Variants in RAB31 observed in about 807,000 individuals in gnomAD.
RAB31 encodes ras-related protein Rab-31.
In RAB31, 21 loss-of-function variants were observed where a neutral mutation model predicts 25.6. The observed-to-expected ratio is 0.82, with a 90% CI of 0.58 to 1.18. RAB31 has a LOEUF of 1.18. RAB31 is among the 50% of genes most tolerant of loss of function. The probability of loss-of-function intolerance (pLI) is 0.00; values close to 1 mark genes in which losing one functional copy is unlikely to be tolerated. For synonymous variants in RAB31, 87 were observed against 84.0 expected (o/e 1.04, Z -0.20); for missense variants, 196 against 250.1 (o/e 0.78, Z 1.46).
chr18:9,860,267 C>T lies in RAB31; in HGVS notation c.*942C>T, dbSNP rs2068840548. On this transcript the variant is annotated 3_prime_UTR_variant, in exon 7 of 7. Coordinates refer to ENST00000578921, the MANE Select transcript of RAB31 (RefSeq NM_006868.4). Reference sequence around the variant, plus strand: ...GTTTGAATCTAAATCATTGGGCAAACTTCTAATAATAACAATTAATAATAG... The same window carrying T: ...GTTTGAATCTAAATCATTGGGCAAATTTCTAATAATAACAATTAATAATAG... The T allele has an allele frequency of 6.6e-6, 1 of 152,156 alleles. No individual in the cohort carries two copies. The highest frequency in any genetic ancestry group is 1.5e-5 in the Non-Finnish European group (1 of 68,026). 9.4% of individuals were successfully genotyped at this position (152,156 alleles called of 1,614,324 possible).
intron 1 of RAB31, among the ~76,000 whole-genome samples, chr18:9,757,346 G>T (rs989453866): frequency 3.3e-5 from 5 of 152,208 alleles, no homozygotes; most frequent in African/African-American, 1.2e-4. Flanking sequence ...GGCAGCCACT[G>T]CTCTGCGTAG....
intron 5 of RAB31, chr18:9,830,706 TG>T (rs749950886): frequency 7.9e-5 from 12 of 152,206 alleles, no homozygotes; most frequent in Non-Finnish European, 1.3e-4. Context: ...TGGTTTATTT[TG>T]GGGGGAAGAG....
At chr18:9,726,800 T>G (rs571719309) in intron 1 of RAB31, among the ~76,000 whole-genome samples, 1 of 152,290 alleles carries the variant, frequency 6.6e-6, no homozygotes, top group Non-Finnish European at 1.5e-5. Context: ...TGCACTAATC[T>G]TCAGTTTAAT....
chr18:9,835,127 A>C (rs1006428433), intron 5 of RAB31, among the ~76,000 whole-genome samples: 5 of 152,150 alleles, frequency 3.3e-5, no homozygotes, highest in Non-Finnish European at 7.4e-5. Context: ...CAAGGGGTCG[A>C]TCCTAGGTCC....
intron 1 of RAB31, among the ~76,000 whole-genome samples, chr18:9,770,833 G>C (rs2068340797): frequency 6.6e-6 from 1 of 150,436 alleles, no homozygotes; most frequent in South Asian, 2.1e-4. Context: ...TAAAGTACTT[G>C]TGAGTTCTAG....
intron 6 of RAB31, among the ~76,000 whole-genome samples, chr18:9,854,288 T>C (rs931246285): frequency 4.6e-5 from 7 of 152,180 alleles, no homozygotes; most frequent in Non-Finnish European, 8.8e-5. Flanking sequence ...CTAATGATTT[T>C]AAAGTAGCTT....
chr18:9,750,047 A>T (rs1260078359), intron 1 of RAB31, among the ~76,000 whole-genome samples: 1 of 152,180 alleles, frequency 6.6e-6, no homozygotes, highest in Non-Finnish European at 1.5e-5. Context: ...CTGTAACCGC[A>T]GCTAACCAAC....
chr18:9,744,061 G>A (rs141789909), intron 1 of RAB31, among the ~76,000 whole-genome samples: 44 of 152,304 alleles, frequency 2.9e-4, no homozygotes, highest in African/African-American at 9.6e-4. Context: ...CGGTGGAGTT[G>A]CCTCCATGAA....
rs561037080 is a variant in RAB31 at position 9,758,581 on chromosome 18, T to G, written c.40-16697T>G. 2.5e-4 allele frequency among the ~76,000 whole-genome samples: 38 copies of G among 152,280 alleles called. No individual in the cohort carries two copies. The East Asian group carries it at 6.8e-3, about 27-fold the overall frequency. On this transcript the variant is annotated intron_variant, in intron 1 of 6. Coordinates refer to ENST00000578921, the MANE Select transcript of RAB31 (RefSeq NM_006868.4). Reference sequence around the variant, plus strand: ...ATTGTCAGATGCGGGCAGGTGTCCCTGTGCATCCCCATCACAGCACTTGTC... The same window carrying G: ...ATTGTCAGATGCGGGCAGGTGTCCCGGTGCATCCCCATCACAGCACTTGTC...
intron 5 of RAB31, among the ~76,000 whole-genome samples, chr18:9,828,819 A>T (rs1353204093): frequency 6.6e-6 from 1 of 152,236 alleles, no homozygotes. Flanking sequence ...AAGCCAGTGA[A>T]CATCAAAAGG....
chr18:9,818,779 C>T (rs1190223045), intron 5 of RAB31, among the ~76,000 whole-genome samples: 2 of 152,172 alleles, frequency 1.3e-5, no homozygotes, highest in African/African-American at 4.8e-5. Context: ...AAAGTAACTG[C>T]AAGATATCCA....
chr18:9,814,104 C>T lies in RAB31; in HGVS notation c.273+13C>T, dbSNP rs771545475. On this transcript the variant is annotated intron_variant, in intron 4 of 6. Transcript: ENST00000578921. ...TATTACCAAGCAGGTAAGAATGTCT[C>T]CTTCAGAATTTAGATGTCATTTATG... 6 of 1,540,464 alleles carry T rather than the reference C, an allele frequency of 3.9e-6. No individual in the cohort carries two copies. Among genetic ancestry groups the T allele is most frequent in the African/African-American group, 1.4e-5 (1 of 73,682 alleles).
intron 3 of RAB31, among the ~76,000 whole-genome samples, chr18:9,796,343 A>C (rs992999483): frequency 3.3e-5 from 5 of 152,208 alleles, no homozygotes; most frequent in African/African-American, 9.7e-5. Context: ...TTACTCTTGT[A>C]AGCAAACACC....
At chr18:9,709,091 G>T (rs2068002574) in intron 1 of RAB31, among the ~76,000 whole-genome samples, 1 of 152,208 alleles carries the variant, frequency 6.6e-6, no homozygotes, top group South Asian at 2.1e-4. Context: ...CCTGCTGCGG[G>T]TGAAAGAAGC....
At position 9,814,002 on chromosome 18, in the gene RAB31, T is replaced by C. The variant is rs1435045744; in HGVS notation, c.202-18T>C. The C allele has an allele frequency of 6.5e-7, 1 of 1,545,708 alleles. No homozygotes were observed. Among genetic ancestry groups the C allele is most frequent in the East Asian group, 2.3e-5 (1 of 43,624 alleles). ...GTCTGTTCACTTTGGCCTAAAACTG[T>C]TCATTGTTCTTAAACAGTTTCATTC... On this transcript the variant is annotated intron_variant, in intron 3 of 6. Coordinates refer to ENST00000578921, the MANE Select transcript of RAB31 (RefSeq NM_006868.4).
chr18:9,805,354 G>T (rs1453165022), intron 3 of RAB31, among the ~76,000 whole-genome samples: 1 of 151,662 alleles, frequency 6.6e-6, no homozygotes, highest in South Asian at 2.1e-4. Context: ...CCTTCCTGGA[G>T]GTACAAGGGC....
chr18:9,726,918 C>G (rs2068098752), intron 1 of RAB31, among the ~76,000 whole-genome samples: 1 of 151,874 alleles, frequency 6.6e-6, no homozygotes, highest in Admixed American at 6.6e-5. Flanking sequence ...CAAGCATTAC[C>G]TTAAAAAAAA....
chr18:9,749,059 A>G (rs2068220734), intron 1 of RAB31, among the ~76,000 whole-genome samples: 1 of 152,178 alleles, frequency 6.6e-6, no homozygotes, highest in Non-Finnish European at 1.5e-5. Flanking sequence ...TTTTATGGTT[A>G]TGTGCATATG....
chr18:9,755,753 C>T (rs1418209110), intron 1 of RAB31, among the ~76,000 whole-genome samples: 1 of 152,178 alleles, frequency 6.6e-6, no homozygotes, highest in Non-Finnish European at 1.5e-5. Flanking sequence ...AGCCGTCACA[C>T]CCCCTCTCTC....
Sources: gnomAD v4.1 joint callset for allele counts (sites outside exome capture counted in the v4.1 genomes callset) on GRCh38, gnomAD v4.1.1 for gene constraint, MANE v1.5 for transcripts, NCBI Gene and HGNC (gene_info 2026-07-23, HGNC 2026-07-21) for gene names.